KCNQ1: variants seen among roughly 807,000 people sequenced by gnomAD.
KCNQ1 encodes potassium voltage-gated channel subfamily KQT member 1.
KCNQ1 carries 49 observed loss-of-function variants against 72.4 expected under a neutral mutation model. The ratio of observed to expected loss-of-function variants is 0.68; its 90% CI spans 0.54 to 0.86. The LOEUF (loss-of-function observed/expected upper bound fraction) is 0.86. Among genes scored for constraint, KCNQ1 ranks in the 40% least tolerant of loss-of-function variants. The pLI, the probability that KCNQ1 is intolerant of heterozygous loss-of-function variation, is 0.00. For synonymous variants in KCNQ1, 450 were observed against 412.6 expected, an observed-to-expected ratio of 1.09 and a Z score of -1.10; for missense variants, 790 against 945.1, an observed-to-expected ratio of 0.84 and a Z score of 2.15.
intron 15 of KCNQ1, among the ~76,000 whole-genome samples, chr11:2,833,443 T>C (rs1847994927): frequency 6.6e-6 from 1 of 152,152 alleles, no homozygotes; most frequent in South Asian, 2.1e-4. Context: ...TGAGGGAGTC[T>C]CAGCCTTAGG....
At position 2,673,585 on chromosome 11, in the gene KCNQ1, G is replaced by A. The variant is rs1385156184; in HGVS notation, c.1514+11504G>A. 2.5e-6 allele frequency: 1 copy of A among 398,586 alleles called. No homozygotes were observed. Among genetic ancestry groups the A allele is most frequent in the African/African-American group, 2.1e-5 (1 of 48,624 alleles). 24.7% of individuals were successfully genotyped at this position (398,586 alleles called of 1,614,324 possible). On this transcript the variant is annotated intron_variant, in intron 11 of 15. Coordinates refer to ENST00000155840, the MANE Select transcript of KCNQ1 (RefSeq NM_000218.3). This position sits in a 1 kb window ranked among gnomAD's most constrained non-coding sequence, Gnocchi z 4.5. ...TGCAGGTGGAAGACCCTATTACTTG[G>A]GCTAAAGAGAAGCTAAACGTGACCA... is the stretch of plus-strand genomic sequence containing the variant.
In KCNQ1 at chr11:2,593,836, G is replaced by C. The variant is rs1043234656; in HGVS notation, c.1393+4982G>C. ...TCCTCCATTCAAAGCCGTGTGTTCT[G>C]ATTGTGCACTTTTGGTGGCTGCCAC... On this transcript the variant is annotated intron_variant, in intron 10 of 15. Coordinates refer to ENST00000155840, the MANE Select transcript of KCNQ1 (RefSeq NM_000218.3). The surrounding 1 kb of genome is among the most constrained non-coding windows in gnomAD (Gnocchi z 6.9). 6.6e-6 allele frequency among the ~76,000 whole-genome samples: 1 copy of C among 152,132 alleles called. No individual in the cohort carries two copies. Among genetic ancestry groups the C allele is most frequent in the African/African-American group, 2.4e-5 (1 of 41,404 alleles).
At chr11:2,596,201 C>T (rs773647895) in intron 10 of KCNQ1, among the ~76,000 whole-genome samples, 15 of 152,098 alleles carry the variant, frequency 9.9e-5, no homozygotes, top group African/African-American at 1.7e-4. Context: ...AAAGATGTGT[C>T]GGAGGTGGAA....
intron 15 of KCNQ1, among the ~76,000 whole-genome samples, chr11:2,800,088 G>T (rs1312646114): frequency 6.6e-6 from 1 of 152,242 alleles, no homozygotes; most frequent in East Asian, 1.9e-4. Context: ...CCTGGGGGCT[G>T]TGAGCAGATG....
rs760160449 is a variant in KCNQ1, at chr11:2,715,575, C to T, written c.1515-53269C>T. On this transcript the variant is annotated intron_variant, in intron 11 of 15. Transcript: ENST00000155840. The surrounding 1 kb of genome is among the most constrained non-coding windows in gnomAD (Gnocchi z 4.9). ...TGCCTGTGCCCAAGCCTTCCTCTTC[C>T]ACCACCCCTGCTGGGGTCCCCTGGG... Among the ~76,000 whole-genome samples, 2 of 152,252 alleles carry T rather than the reference C, an allele frequency of 1.3e-5. No homozygotes were observed. The highest frequency in any genetic ancestry group is 4.1e-4 in the South Asian group (2 of 4,830).
intron 11 of KCNQ1, among the ~76,000 whole-genome samples, chr11:2,707,168 T>C (rs1003382421): frequency 1.3e-5 from 2 of 151,586 alleles, no homozygotes; most frequent in Non-Finnish European, 2.9e-5. Flanking sequence ...GGGGAGCAGG[T>C]GTGATGGGGT....
At chr11:2,820,093 T>C (rs1466056962) in intron 15 of KCNQ1, among the ~76,000 whole-genome samples, 1 of 152,248 alleles carries the variant, frequency 6.6e-6, no homozygotes, top group Admixed American at 6.5e-5. Context: ...AATATCTTCC[T>C]TTGACTTTGT....
At chr11:2,570,290 A>G (rs899395045) in intron 2 of KCNQ1, among the ~76,000 whole-genome samples, 5 of 99,674 alleles carry the variant, frequency 5.0e-5, no homozygotes, top group African/African-American at 1.2e-4. Flanking sequence ...CTGGCGTCGG[A>G]CGCCCTCTGG....
In KCNQ1 at chr11:2,713,870, G is replaced by A. The variant is rs1026039379; in HGVS notation, c.1514+51789G>A. On this transcript the variant is annotated intron_variant, in intron 11 of 15. Coordinates refer to ENST00000155840, the MANE Select transcript of KCNQ1 (RefSeq NM_000218.3). This position sits in a 1 kb window ranked among gnomAD's most constrained non-coding sequence, Gnocchi z 5.6. ...ATATTGCTTCCAGATGGGCAAACGC[G>A]CGCTCGGAGCCTGGCCCTGCAGACA... 6.6e-6 allele frequency among the ~76,000 whole-genome samples: 1 copy of A among 152,218 alleles called. No individual in the cohort carries two copies. Among genetic ancestry groups the A allele is most frequent in the African/African-American group, 2.4e-5 (1 of 41,444 alleles).
intron 12 of KCNQ1, among the ~76,000 whole-genome samples, chr11:2,775,384 C>T (rs892676592): frequency 1.3e-5 from 2 of 152,258 alleles, no homozygotes; most frequent in South Asian, 2.1e-4. Context: ...AGCAGATGCT[C>T]GTCACCCACA....
chr11:2,629,899 T>C, intron 10 of KCNQ1: 1 of 398,424 alleles, frequency 2.5e-6, no homozygotes. Context: ...TCTTTCTGAT[T>C]TGAGTGTATT....
rs1395303589 is a variant in KCNQ1 at position 2,549,853 on chromosome 11, C to T, written c.478-20775C>T. ...GTGGCGGAGAGACCCCTGGGCAGGA[C>T]ACCCCTCCCTGGCTTTTCCTTCTGC... On this transcript the variant is annotated intron_variant, in intron 2 of 15. Transcript: ENST00000155840. This position sits in a 1 kb window ranked among gnomAD's most constrained non-coding sequence, Gnocchi z 6.2. 2.6e-5 allele frequency among the ~76,000 whole-genome samples: 4 copies of T among 152,146 alleles called. No homozygotes were observed. Among genetic ancestry groups the T allele is most frequent in the African/African-American group, 9.7e-5 (4 of 41,426 alleles).
chr11:2,614,211 T>A lies in KCNQ1; in HGVS notation c.1393+25357T>A, dbSNP rs186880384. ...CTGAGGGTGCCACCTCAAATCTTAGTCATTTGCAAGAGCCTCCACTATAGC... is the reference window on the plus strand; with the variant it reads ...CTGAGGGTGCCACCTCAAATCTTAGACATTTGCAAGAGCCTCCACTATAGC... On this transcript the variant is annotated intron_variant, in intron 10 of 15. Transcript: ENST00000155840. The A allele has an allele frequency of 9.0e-5, 36 of 398,562 alleles. 1 individual carries two copies. Among genetic ancestry groups the A allele is most frequent in the African/African-American group, 7.2e-4 (35 of 48,744 alleles). 24.7% of individuals were successfully genotyped at this position (398,562 alleles called of 1,614,324 possible).
At chr11:2,665,535 T>C (rs1458061771) in intron 11 of KCNQ1, 1 of 393,300 alleles carries the variant, frequency 2.5e-6, no homozygotes, top group Non-Finnish European at 4.4e-6. Context: ...TAGAATGCCC[T>C]TGTCACCCAT....
At chr11:2,650,289 T>G in intron 10 of KCNQ1, 1 of 398,602 alleles carries the variant, frequency 2.5e-6, no homozygotes, top group Non-Finnish European at 4.4e-6. Context: ...GGAGAATTAT[T>G]GTGTTCTTTT....
rs371526023 is a variant in KCNQ1 at position 2,651,116 on chromosome 11, T to C, written c.1394-10845T>C. The C allele has an allele frequency of 2.5e-6, 1 of 398,714 alleles. No individual in the cohort carries two copies. The highest frequency in any genetic ancestry group is 3.6e-5 in the East Asian group (1 of 28,078). The allele number at this position is 398,714 out of a possible 1,614,324, so 24.7% of individuals were successfully genotyped here. ...TTCCACTCTTGCTTCCTGTACTCCA[T>C]TCTTCACATAACAGCTCAAGGGAGT... On this transcript the variant is annotated intron_variant, in intron 10 of 15. Coordinates refer to ENST00000155840, the MANE Select transcript of KCNQ1 (RefSeq NM_000218.3). This position sits in a 1 kb window ranked among gnomAD's most constrained non-coding sequence, Gnocchi z 6.1.
chr11:2,777,000 T>C lies in KCNQ1; in HGVS notation c.1700T>C (p.Ile567Thr), dbSNP rs199472805. ...KELQRRLDQS[I>T]GKPSLFISVS... is the part of the protein sequence containing the mutation. The stretch of plus-strand genomic sequence containing the variant: ...CTTCTCTCCAGGCTGGACCAGTCCA[T>C]TGGGAAGCCCTCACTGTTCATCTCC... Residue 567 changes from isoleucine to threonine, a missense_variant, in exon 14 of 16, where the codon ATT becomes ACT. This residue lies in a region of KCNQ1 where 91 missense variants were observed against 139.1 expected (regional missense o/e 0.65). Transcript: ENST00000155840. 2 of 1,614,076 alleles carry C rather than the reference T, an allele frequency of 1.2e-6. No individual in the cohort carries two copies. Among genetic ancestry groups the C allele is most frequent in the Non-Finnish European group, 1.7e-6 (2 of 1,179,996 alleles).
rs1846858360 is a variant in KCNQ1, at chr11:2,783,424, T to C, written c.1794+5387T>C. ...CTTGAAAACAAGGTATATTCTGACA[T>C]TGTTGGGTGCAGTGTTATGTTCATA... On this transcript the variant is annotated intron_variant, in intron 15 of 15. Coordinates refer to ENST00000155840, the MANE Select transcript of KCNQ1 (RefSeq NM_000218.3). The surrounding 1 kb of genome is among the most constrained non-coding windows in gnomAD (Gnocchi z 5.2). 6.6e-6 allele frequency among the ~76,000 whole-genome samples: 1 copy of C among 152,076 alleles called. No homozygotes were observed. The highest frequency in any genetic ancestry group is 2.1e-4 in the South Asian group (1 of 4,824).
chr11:2,756,397 A>AG (rs143850325), intron 11 of KCNQ1, among the ~76,000 whole-genome samples: 2,201 of 151,972 alleles, frequency 0.014, 44 homozygotes, highest in African/African-American at 0.05. Flanking sequence ...TATAATACCA[A>AG]GGAAAAGCCC....
Sources: allele counts gnomAD v4.1 joint callset (sites outside exome capture counted in the v4.1 genomes callset), GRCh38; gene constraint gnomAD v4.1.1; regional missense constraint gnomAD v4.1.1; non-coding constraint Gnocchi (gnomAD v3.1); transcripts MANE v1.5; gene names NCBI Gene and HGNC (gene_info 2026-07-23, HGNC 2026-07-21).